NCDN: variants seen among roughly 807,000 people sequenced by gnomAD.
The protein encoded by NCDN is neurochondrin, also known as norbin.
A neutral mutation model predicts 60.7 loss-of-function variants in NCDN; 9 were observed. The ratio of observed to expected loss-of-function variants is 0.15; its 90% CI spans 0.09 to 0.26. The LOEUF is 0.26. Among genes scored for constraint, NCDN ranks in the 10% least tolerant of loss-of-function variants. NCDN has a pLI of 1.00. For missense variants in NCDN, 578 were observed against 975.2 expected, an observed-to-expected ratio of 0.59 and a Z score of 5.42; for synonymous variants, 409 against 442.5, an observed-to-expected ratio of 0.92 and a Z score of 0.95.
chr1:35,564,355 G>T (rs1648802869), intron 6 of NCDN, among the ~76,000 whole-genome samples: 1 of 152,152 alleles, frequency 6.6e-6, no homozygotes, highest in Admixed American at 6.5e-5. Flanking sequence ...CTTCTCCCTA[G>T]CTCTGCCTCA....
chr1:35,559,950 C>T (rs114274531), intron 2 of NCDN, among the ~76,000 whole-genome samples: 1 of 152,268 alleles, frequency 6.6e-6, no homozygotes, highest in Non-Finnish European at 1.5e-5. Flanking sequence ...TCAGGGACTT[C>T]TCTGGAGGGA....
At position 35,561,211 on chromosome 1, in the gene NCDN, T is replaced by G. The variant is rs536102934; in HGVS notation, c.1060T>G (p.Ser354Ala). 1 of 1,610,194 alleles carries G rather than the reference T, an allele frequency of 6.2e-7. No individual in the cohort carries two copies. Among genetic ancestry groups the G allele is most frequent in the Non-Finnish European group, 8.5e-7 (1 of 1,178,598 alleles). Residue 354 changes from serine to alanine, a missense_variant, in exon 3 of 7, where the codon TCA becomes GCA. Physicochemically the swap from Ser to Ala is moderately conservative, Grantham distance 99. Transcript: ENST00000373243. This position sits in a 1 kb window ranked among gnomAD's most constrained non-coding sequence, Gnocchi z 4.9. ...GIQECTRCEQ[S>A]LLKEPQKVQL... ...CCAGGAATGCACTCGCTGTGAGCAG[T>G]CACTGCTTAAGGAGCCACAGAAGGT... is the stretch of plus-strand genomic sequence containing the variant.
chr1:35,563,899 C>T lies in NCDN; in HGVS notation c.1743C>T (p.Ser581=). ...GGCTCCTCATGGCCCGGCTCCTTAG[C>T]ACCTCTCCAGGTAAGAACTGGGGAT... ...TLGLLMARLL[S]TSPALQGTPA... is the part of the protein sequence containing the mutation. The change falls in exon 6 of 7, where the codon AGC becomes AGT. Residue 581 remains serine, a synonymous_variant. Coordinates refer to ENST00000373243, the MANE Select transcript of NCDN (RefSeq NM_014284.3). This position sits in a 1 kb window ranked among gnomAD's most constrained non-coding sequence, Gnocchi z 6.6. 1.2e-6 allele frequency: 2 copies of T among 1,613,774 alleles called. No homozygotes were observed. The highest frequency in any genetic ancestry group is 1.7e-6 in the Non-Finnish European group (2 of 1,179,792).
Position 35,563,186 on chromosome 1 carries a change from C to T in NCDN, c.1386-16C>T, listed in dbSNP as rs750560150. ...TCTCCCAATCCCACACACGTCTGTC[C>T]CTTCCACATCCCCAGGCTCCTCCTG... On this transcript the variant is annotated splice_polypyrimidine_tract_variant and intron_variant, in intron 4 of 6. Transcript: ENST00000373243. The surrounding 1 kb of genome is among the most constrained non-coding windows in gnomAD (Gnocchi z 6.6). The T allele has an allele frequency of 2.5e-6, 4 of 1,606,660 alleles. No individual in the cohort carries two copies. Among genetic ancestry groups the T allele is most frequent in the African/African-American group, 2.7e-5 (2 of 74,800 alleles).
chr1:35,559,136 T>C lies in NCDN; in HGVS notation c.63T>C (p.Asp21=). The C allele has an allele frequency of 3.1e-6, 5 of 1,605,324 alleles. No individual in the cohort carries two copies. Among genetic ancestry groups the C allele is most frequent in the Non-Finnish European group, 4.3e-6 (5 of 1,175,304 alleles). ...QLGKASIMAS[D]CEPALNQAEG... ...GCAAGGCGAGCATCATGGCCTCGGA[T>C]TGCGAGCCAGCTCTGAACCAGGCAG... Residue 21 remains aspartate (D), a synonymous_variant, in exon 2 of 7, where the codon GAT becomes GAC. Coordinates refer to ENST00000373243, the MANE Select transcript of NCDN (RefSeq NM_014284.3).
Position 35,562,002 on chromosome 1 carries a change from C to G in NCDN, c.1144-390C>G, listed in dbSNP as rs1648723252. ...AGTAGCCAGGAACCTGCCCTCCCAC[C>G]CCAGGTCAGAGCTGCTGTAAAGGGT... is the stretch of plus-strand genomic sequence containing the variant. On this transcript the variant is annotated intron_variant, in intron 3 of 6. Transcript: ENST00000373243. This position sits in a 1 kb window ranked among gnomAD's most constrained non-coding sequence, Gnocchi z 6.8. Among the ~76,000 whole-genome samples the G allele has an allele frequency of 6.6e-6, 1 of 152,236 alleles. No homozygotes were observed. The highest frequency in any genetic ancestry group is 6.5e-5 in the Admixed American group (1 of 15,288).
In NCDN at chr1:35,565,877, C is replaced by T. The variant is rs552165192; in HGVS notation, c.*214C>T. The T allele has an allele frequency of 4.7e-5, 27 of 580,564 alleles. No homozygotes were observed. The highest frequency in any genetic ancestry group is 1.1e-4 in the South Asian group (5 of 45,066). 36.0% of individuals were successfully genotyped at this position (580,564 alleles called of 1,614,324 possible). A position where few individuals can be genotyped will look rare whatever the true frequency, so the allele number is the denominator to read the frequency against. On this transcript the variant is annotated 3_prime_UTR_variant, in exon 7 of 7. Coordinates refer to ENST00000373243, the MANE Select transcript of NCDN (RefSeq NM_014284.3). This position sits in a 1 kb window ranked among gnomAD's most constrained non-coding sequence, Gnocchi z 8.9. ...CTCAGGCCCCCATGGGGGCAGGGAT[C>T]GGCTTGGAAATCAACGTGGTTGTCC... is the stretch of plus-strand genomic sequence containing the variant.
At position 35,563,248 on chromosome 1, in the gene NCDN, C is replaced by T. The variant is rs374733075; in HGVS notation, c.1432C>T (p.Arg478Trp). The change falls in exon 5 of 7, where the codon CGG (arginine) becomes TGG (tryptophan). Residue 478 changes from arginine (R) to tryptophan (W), a missense_variant. Transcript: ENST00000373243. This position sits in a 1 kb window ranked among gnomAD's most constrained non-coding sequence, Gnocchi z 6.6. ...WCHLTVEDGP[R>W]EILIKEGAPS... Reference sequence around the variant, plus strand: ...CCACCTGACCGTTGAAGATGGGCCCCGGGAGATCCTGATCAAGGAAGGGGC... The same window carrying T: ...CCACCTGACCGTTGAAGATGGGCCCTGGGAGATCCTGATCAAGGAAGGGGC... The T allele has an allele frequency of 3.7e-6, 6 of 1,614,136 alleles. No individual in the cohort carries two copies. Among genetic ancestry groups the T allele is most frequent in the Non-Finnish European group, 5.1e-6 (6 of 1,179,996 alleles).
In NCDN at chr1:35,558,804, G is replaced by T. The variant is rs1191170635; in HGVS notation, c.34-303G>T. On this transcript the variant is annotated intron_variant, in intron 1 of 6. Transcript: ENST00000373243. This position sits in a 1 kb window ranked among gnomAD's most constrained non-coding sequence, Gnocchi z 6.3. The stretch of plus-strand genomic sequence containing the variant: ...CAGCTGAGCAGTGGGGCCAGCTCCC[G>T]CCCACCCCCAGGAGACTGGTGAGGA... The T allele has an allele frequency of 6.9e-6, 6 of 863,612 alleles. No homozygotes were observed. In the East Asian group the frequency reaches 2.2e-4, roughly 32 times the overall value. 53.5% of individuals were successfully genotyped at this position (863,612 alleles called of 1,614,324 possible).
chr1:35,558,059 T>TC lies in NCDN; in HGVS notation c.-132_-131insC. 5.6e-6 allele frequency: 2 copies of TC among 356,266 alleles called. No individual in the cohort carries two copies. The highest frequency in any genetic ancestry group is 7.9e-6 in the Non-Finnish European group (2 of 253,360). The allele number at this position is 356,266 out of a possible 1,614,324, so 22.1% of individuals were successfully genotyped here. A position where few individuals can be genotyped will look rare whatever the true frequency, so the allele number is the denominator to read the frequency against. ...GTCACAGCCCTTTTCAATATATATC[T>TC]TTTTTTTTTTTAATTTGCCCTGTCA... On this transcript the variant is annotated 5_prime_UTR_variant, in exon 1 of 7. The change creates a premature stop within an existing upstream ORF in the 5' untranslated region. Transcript: ENST00000373243. The surrounding 1 kb of genome is among the most constrained non-coding windows in gnomAD (Gnocchi z 6.3).
In NCDN at chr1:35,561,530, C is replaced by T. The variant is rs1199059089; in HGVS notation, c.1143+236C>T. On this transcript the variant is annotated intron_variant, in intron 3 of 6. Coordinates refer to ENST00000373243, the MANE Select transcript of NCDN (RefSeq NM_014284.3). The surrounding 1 kb of genome is among the most constrained non-coding windows in gnomAD (Gnocchi z 4.9). ...GCACTCACATCACAGTACACACACA[C>T]GCACACACACACAACACAGTAACCT... is the stretch of plus-strand genomic sequence containing the variant. Among the ~76,000 whole-genome samples the T allele has an allele frequency of 1.2e-4, 18 of 152,156 alleles. No individual in the cohort carries two copies. Among genetic ancestry groups the T allele is most frequent in the Middle Eastern group, 3.4e-3 (1 of 294 alleles).
Position 35,558,361 on chromosome 1 carries a change from A to G in NCDN, c.33+138A>G. ...TCTTGCTTCTCCAGCCCCTGCCGGC[A>G]TCCACAGGCTGGTAGCGGGACGGGG... On this transcript the variant is annotated intron_variant, in intron 1 of 6. Coordinates refer to ENST00000373243, the MANE Select transcript of NCDN (RefSeq NM_014284.3). The surrounding 1 kb of genome is among the most constrained non-coding windows in gnomAD (Gnocchi z 6.3). 3 of 1,532,816 alleles carry G rather than the reference A, an allele frequency of 2.0e-6. No homozygotes were observed. Among genetic ancestry groups the G allele is most frequent in the African/African-American group, 1.4e-5 (1 of 72,902 alleles). 95.0% of individuals were successfully genotyped at this position (1,532,816 alleles called of 1,614,324 possible). A position where few individuals can be genotyped will look rare whatever the true frequency, so the allele number is the denominator to read the frequency against.
Position 35,558,043 on chromosome 1 carries a change from CT to C in NCDN, c.-144del. 1 of 1,236,268 alleles carries C rather than the reference CT, an allele frequency of 8.1e-7. No individual in the cohort carries two copies. The highest frequency in any genetic ancestry group is 1.1e-6 in the Non-Finnish European group (1 of 884,806). The allele number at this position is 1,236,268 out of a possible 1,614,324, so 76.6% of individuals were successfully genotyped here. ...GTCGAGACTCCATTTTGTCACAGCCCTTTTCAATATATATCTTTTTTTTTTT... is the reference window on the plus strand; with the variant it reads ...GTCGAGACTCCATTTTGTCACAGCCCTTTCAATATATATCTTTTTTTTTTT... On this transcript the variant is annotated 5_prime_UTR_variant, in exon 1 of 7. It introduces an in-frame stop codon into an upstream open reading frame of the 5' UTR. Coordinates refer to ENST00000373243, the MANE Select transcript of NCDN (RefSeq NM_014284.3). The surrounding 1 kb of genome is among the most constrained non-coding windows in gnomAD (Gnocchi z 6.3).
rs1648768282 is a variant in NCDN, at chr1:35,563,414, C to T, written c.1598C>T (p.Pro533Leu). 6.2e-7 allele frequency: 1 copy of T among 1,613,520 alleles called. No homozygotes were observed. Among genetic ancestry groups the T allele is most frequent in the African/African-American group, 1.3e-5 (1 of 75,050 alleles). ...HIFLNLVVTA[P>L]GLIKRDACFT... is the part of the protein sequence containing the mutation. ...TTCCTCAACCTCGTGGTCACCGCACCGGGGCTGATCAAGTGAGGGGCTCGG... is the reference window on the plus strand; with the variant it reads ...TTCCTCAACCTCGTGGTCACCGCACTGGGGCTGATCAAGTGAGGGGCTCGG... The change falls in exon 5 of 7, where the codon CCG becomes CTG. Residue 533 changes from proline to leucine, a missense_variant. Around this residue, in one of 3 missense-constraint regions of NCDN, gnomAD observed 191 missense variants for 372.1 expected, o/e 0.51. Transcript: ENST00000373243. The surrounding 1 kb of genome is among the most constrained non-coding windows in gnomAD (Gnocchi z 6.6).
intron 2 of NCDN, among the ~76,000 whole-genome samples, chr1:35,559,752 G>A (rs1648635873): frequency 7.3e-6 from 1 of 137,314 alleles, no homozygotes; most frequent in East Asian, 2.6e-4. Flanking sequence ...GGGGTTGTGT[G>A]TGGGGGGTGA....
At position 35,562,000 on chromosome 1, in the gene NCDN, A is replaced by T. The variant is rs1245808782; in HGVS notation, c.1144-392A>T. On this transcript the variant is annotated intron_variant, in intron 3 of 6. Transcript: ENST00000373243. The surrounding 1 kb of genome is among the most constrained non-coding windows in gnomAD (Gnocchi z 4.9). ...ACAGTAGCCAGGAACCTGCCCTCCC[A>T]CCCCAGGTCAGAGCTGCTGTAAAGG... 6.6e-6 allele frequency among the ~76,000 whole-genome samples: 1 copy of T among 152,044 alleles called. No homozygotes were observed. Among genetic ancestry groups the T allele is most frequent in the African/African-American group, 2.4e-5 (1 of 41,388 alleles).
chr1:35,566,604 T>C lies in NCDN; in HGVS notation c.*941T>C, dbSNP rs1197099481. On this transcript the variant is annotated 3_prime_UTR_variant, in exon 7 of 7. Coordinates refer to ENST00000373243, the MANE Select transcript of NCDN (RefSeq NM_014284.3). This position sits in a 1 kb window ranked among gnomAD's most constrained non-coding sequence, Gnocchi z 5.3. The stretch of plus-strand genomic sequence containing the variant: ...CGCGACTGGCGGCTCCAGCAGGGAC[T>C]ACCTTTCTTATAAACCCAGGGGGAC... 3.3e-5 allele frequency: 12 copies of C among 361,014 alleles called. No individual in the cohort carries two copies. In the East Asian group the frequency reaches 7.6e-4, roughly 23 times the overall value. 22.4% of individuals were successfully genotyped at this position (361,014 alleles called of 1,614,324 possible). A position where few individuals can be genotyped will look rare whatever the true frequency, so the allele number is the denominator to read the frequency against.
Position 35,563,942 on chromosome 1 carries a change from G to A in NCDN, c.1753+33G>A, listed in dbSNP as rs1249760487. The stretch of plus-strand genomic sequence containing the variant: ...CTGGGGATCCAGTCCTGATGGGTGA[G>A]GACAGAAGACCTGGGTGGACCTCCT... On this transcript the variant is annotated intron_variant, in intron 6 of 6. Transcript: ENST00000373243. This position sits in a 1 kb window ranked among gnomAD's most constrained non-coding sequence, Gnocchi z 6.6. The A allele has an allele frequency of 1.3e-6, 2 of 1,590,006 alleles. No individual in the cohort carries two copies. Among genetic ancestry groups the A allele is most frequent in the African/African-American group, 2.7e-5 (2 of 73,858 alleles).
chr1:35,561,429 T>C lies in NCDN; in HGVS notation c.1143+135T>C, dbSNP rs1648701822. 5 of 1,296,740 alleles carry C rather than the reference T, an allele frequency of 3.9e-6. No homozygotes were observed. Among genetic ancestry groups the C allele is most frequent in the Non-Finnish European group, 5.2e-6 (5 of 969,884 alleles). 80.3% of individuals were successfully genotyped at this position (1,296,740 alleles called of 1,614,324 possible). On this transcript the variant is annotated intron_variant, in intron 3 of 6. Transcript: ENST00000373243. This position sits in a 1 kb window ranked among gnomAD's most constrained non-coding sequence, Gnocchi z 4.9. ...CACAAGCTGATACTGTAGCCAGCAC[T>C]CCAGGGAGTAGTGTGCGGCCCAACC...
Sources: gnomAD v4.1 joint callset for allele counts (sites outside exome capture counted in the v4.1 genomes callset) on GRCh38, gnomAD v4.1.1 for gene constraint, gnomAD v4.1.1 regional missense constraint, Gnocchi (gnomAD v3.1) non-coding constraint, MANE v1.5 for transcripts, NCBI Gene and HGNC (gene_info 2026-07-23, HGNC 2026-07-21) for gene names.